The following PUDP variants were observed in gnomAD, a reference collection of about 807,000 sequenced individuals.
The protein encoded by PUDP is pseudouridine 5'-phosphatase.
A neutral mutation model predicts 9.4 loss-of-function variants in PUDP; 8 were observed. The ratio of observed to expected loss-of-function variants is 0.85; its 90% confidence interval spans 0.50 to 1.53. The LOEUF is 1.53. Among genes scored for constraint, PUDP ranks in the 40% most tolerant of loss-of-function variants. PUDP has a pLI of 0.00. For synonymous variants in PUDP, 99 were observed against 80.7 expected (o/e 1.23, Z -1.22); for missense variants, 188 against 189.7 (o/e 0.99, Z 0.05).
At chrX:6,737,610 G>T (rs775734472) in intron 3 of PUDP, among the ~76,000 whole-genome samples, 1 of 102,986 alleles carries the variant, frequency 9.7e-6, no homozygotes, top group Non-Finnish European at 2.0e-5. Flanking sequence ...GGGAGGGAGG[G>T]AGAGTAGTAG....
At chrX:7,116,848 C>T in intron 1 of PUDP, 1 of 1,057,453 alleles carries the variant, frequency 9.5e-7, no homozygotes, top group Non-Finnish European at 1.3e-6. Context: ...ACTTGGTGAT[C>T]AGTGAGCTCT....
chrX:6,880,002 G>T (rs1056824500), intron 3 of PUDP, among the ~76,000 whole-genome samples: 1 of 109,120 alleles, frequency 9.2e-6, no homozygotes, highest in Admixed American at 9.8e-5. Context: ...AGAACTCCAA[G>T]AAAAAAAAGA....
chrX:6,980,759 AACTATTTACAT>A (rs1341915850), intron 1 of PUDP, among the ~76,000 whole-genome samples: 1 of 111,639 alleles, frequency 9.0e-6, no homozygotes, highest in Non-Finnish European at 1.9e-5. Flanking sequence ...AGAGTATAGC[AACTATTTACAT>A]ACTATTTACA....
intron 1 of PUDP, among the ~76,000 whole-genome samples, chrX:7,023,706 T>C: frequency 8.9e-6 from 1 of 112,300 alleles, no homozygotes; most frequent in Middle Eastern, 4.6e-3. Context: ...GATCTACTTG[T>C]CTATCTTTAT....
intron 1 of PUDP, among the ~76,000 whole-genome samples, chrX:7,008,283 C>T (rs1029017892): frequency 9.0e-6 from 1 of 111,265 alleles, no homozygotes; most frequent in South Asian, 3.8e-4. Flanking sequence ...TTTTTTAATG[C>T]GCTCTCTTTT....
At chrX:7,134,460 C>T (rs1932693743) in intron 1 of PUDP, among the ~76,000 whole-genome samples, 1 of 112,204 alleles carries the variant, frequency 8.9e-6, no homozygotes, top group Non-Finnish European at 1.9e-5. Flanking sequence ...TGTCCTGCCT[C>T]AGTTTCACTG....
At chrX:6,998,849 T>C (rs1209693313) in intron 1 of PUDP, among the ~76,000 whole-genome samples, 1 of 111,066 alleles carries the variant, frequency 9.0e-6, no homozygotes, top group African/African-American at 3.3e-5. Flanking sequence ...CCCAACAATA[T>C]GTTTTCAGAG....
chrX:6,950,997 C>A (rs1928547539), intron 3 of PUDP, among the ~76,000 whole-genome samples: 1 of 109,326 alleles, frequency 9.1e-6, no homozygotes, highest in South Asian at 4.1e-4. Flanking sequence ...AACACTGGCT[C>A]TTCCTGGGTC....
At chrX:7,066,436 G>A (rs770081505) in intron 3 of PUDP, among the ~76,000 whole-genome samples, 37 of 111,165 alleles carry the variant, frequency 3.3e-4, no homozygotes, top group Non-Finnish European at 6.0e-4. Context: ...GGGTGAAAGG[G>A]GCTGGTTTTG....
intron 1 of PUDP, among the ~76,000 whole-genome samples, chrX:7,111,393 A>G (rs1932044782): frequency 9.2e-6 from 1 of 108,862 alleles, no homozygotes; most frequent in Admixed American, 9.9e-5. Flanking sequence ...GCTCAGCTGC[A>G]CGCCCTGGGA....
chrX:7,028,071 T>C (rs1184451011), intron 1 of PUDP, among the ~76,000 whole-genome samples: 1 of 106,418 alleles, frequency 9.4e-6, no homozygotes, highest in Non-Finnish European at 1.9e-5. Flanking sequence ...AGCAAACTCA[T>C]AGACTTTATT....
intron 2 of PUDP, among the ~76,000 whole-genome samples, chrX:7,094,280 C>T (rs959294744): frequency 4.9e-4 from 54 of 110,760 alleles, no homozygotes; most frequent in African/African-American, 1.6e-3. Context: ...AATAACAAGG[C>T]AATTAGCTGC....
intron 3 of PUDP, among the ~76,000 whole-genome samples, chrX:7,072,467 C>T (rs1480410826): frequency 1.8e-5 from 2 of 111,628 alleles, no homozygotes; most frequent in Non-Finnish European, 3.8e-5. Context: ...TAAAACAACA[C>T]TAACAAGTAC....
intron 3 of PUDP, among the ~76,000 whole-genome samples, chrX:7,058,739 G>A (rs891264366): frequency 8.9e-6 from 1 of 111,804 alleles, no homozygotes; most frequent in Non-Finnish European, 1.9e-5. Flanking sequence ...TGACTGCTGA[G>A]GTATGTGTGT....
At chrX:7,144,750 T>C (rs1422267468) in intron 1 of PUDP, among the ~76,000 whole-genome samples, 1 of 112,113 alleles carries the variant, frequency 8.9e-6, no homozygotes, top group Non-Finnish European at 1.9e-5. Context: ...TGGTATATTA[T>C]GGTCAACACT....
intron 3 of PUDP, among the ~76,000 whole-genome samples, chrX:6,746,759 T>G (rs1024440826): frequency 4.3e-4 from 48 of 111,653 alleles, no homozygotes; most frequent in African/African-American, 1.6e-3. Flanking sequence ...ATTCTTTTTA[T>G]GGCTATATAG....
At chrX:6,841,758 ATTTC>A (rs1202062357) in intron 3 of PUDP, among the ~76,000 whole-genome samples, 1 of 111,967 alleles carries the variant, frequency 8.9e-6, no homozygotes, top group African/African-American at 3.2e-5. Flanking sequence ...TCCGGGTCAA[ATTTC>A]TTTCTTTGTT....
chrX:6,810,069 C>T (rs1383447144), intron 3 of PUDP, among the ~76,000 whole-genome samples: 2 of 92,065 alleles, frequency 2.2e-5, no homozygotes, highest in Admixed American at 1.2e-4. Context: ...AACAGAGACC[C>T]TGTCTCAAAA....
chrX:7,135,976 C>T (rs1362197275), intron 1 of PUDP, among the ~76,000 whole-genome samples: 1 of 111,600 alleles, frequency 9.0e-6, no homozygotes, highest in African/African-American at 3.3e-5. Context: ...CACATCACAC[C>T]TCTCCAATTG....
Sources: allele counts gnomAD v4.1 joint callset (sites outside exome capture counted in the v4.1 genomes callset), GRCh38; gene constraint gnomAD v4.1.1; transcripts MANE v1.5; gene names NCBI Gene and HGNC (gene_info 2026-07-23, HGNC 2026-07-21).